SATL1: variants seen among roughly 807,000 people sequenced by gnomAD.
SATL1 encodes the protein spermidine/spermine N1-acetyl transferase like 1.
In SATL1, 47 loss-of-function variants were observed where a neutral mutation model predicts 51.8. The ratio of observed to expected loss-of-function variants is 0.91; its 90% confidence interval spans 0.72 to 1.16. The LOEUF is 1.16. Among genes scored for constraint, SATL1 ranks in the 50% most tolerant of loss-of-function variants. The pLI is 0.00. For missense variants in SATL1, 520 were observed against 526.4 expected (o/e 0.99, Z 0.12); for synonymous variants, 176 against 182.4 (o/e 0.97, Z 0.28).
At chrX:85,205,231 G>C (rs1241304102) in intron 2 of SATL1, among the ~76,000 whole-genome samples, 1 of 111,970 alleles carries the variant, frequency 8.9e-6, no homozygotes, top group Non-Finnish European at 1.9e-5. Context: ...ACTCATCACT[G>C]TTCAGTAGAT....
chrX:85,202,301 A>C (rs757855657), intron 2 of SATL1, among the ~76,000 whole-genome samples: 1 of 111,892 alleles, frequency 8.9e-6, no homozygotes, highest in East Asian at 2.8e-4. Context: ...AGAAGCTTCA[A>C]AGTTTAATTA....
intron 2 of SATL1, among the ~76,000 whole-genome samples, chrX:85,218,210 C>T (rs987326554): frequency 7.3e-5 from 8 of 110,108 alleles, no homozygotes; most frequent in African/African-American, 2.6e-4. Context: ...TACACCAAAT[C>T]GCTGTAACAC....
rs1925137187 is a variant in SATL1, at chrX:85,108,214, C to T, written c.755G>A (p.Ser252Asn). The change falls in exon 3 of 8, where the codon AGT becomes AAT. Residue 252 changes from serine (S) to asparagine (N), a missense_variant. Transcript: ENST00000644105. ...ACCTGTTTGGTTGGAATCTGATAAACTTGATTGGTTTGCGTCTGGTTGGCT... is the reference window on the plus strand; with the variant it reads ...ACCTGTTTGGTTGGAATCTGATAAATTTGATTGGTTTGCGTCTGGTTGGCT... ...DMSQPDANQS[S>N]LSDSNQTGII... 1.7e-6 allele frequency: 2 copies of T among 1,211,682 alleles called. No homozygotes were observed. Among genetic ancestry groups the T allele is most frequent in the Non-Finnish European group, 2.2e-6 (2 of 895,494 alleles).
chrX:85,163,955 A>G (rs1338763364), intron 2 of SATL1, among the ~76,000 whole-genome samples: 3 of 111,887 alleles, frequency 2.7e-5, no homozygotes, highest in African/African-American at 9.8e-5. Context: ...TTAGGTGGAT[A>G]TATATTTAGG....
At chrX:85,146,564 C>T (rs1234741869) in intron 2 of SATL1, among the ~76,000 whole-genome samples, 1 of 112,150 alleles carries the variant, frequency 8.9e-6, no homozygotes, top group Non-Finnish European at 1.9e-5. Flanking sequence ...TCAGTACTAT[C>T]TGCAATTTCA....
chrX:85,154,277 G>A (rs976999642), intron 2 of SATL1, among the ~76,000 whole-genome samples: 3 of 110,587 alleles, frequency 2.7e-5, no homozygotes, highest in Admixed American at 9.7e-5. Flanking sequence ...GGGAGACGGC[G>A]TACCATTACC....
At chrX:85,112,281 G>A (rs1255996794) in intron 2 of SATL1, among the ~76,000 whole-genome samples, 1 of 111,150 alleles carries the variant, frequency 9.0e-6, no homozygotes, top group African/African-American at 3.3e-5. Flanking sequence ...AAACCTGGGA[G>A]GTGGAGGTTG....
intron 1 of SATL1, among the ~76,000 whole-genome samples, chrX:85,237,274 A>G (rs147546517): frequency 2.7e-5 from 3 of 111,397 alleles, no homozygotes; most frequent in African/African-American, 9.8e-5. Flanking sequence ...AACTGGAGGA[A>G]TCACATTACC....
At chrX:85,153,028 A>C (rs898752117) in intron 2 of SATL1, among the ~76,000 whole-genome samples, 14 of 110,928 alleles carry the variant, frequency 1.3e-4, no homozygotes, top group African/African-American at 4.2e-4. Flanking sequence ...TTTCTATGTG[A>C]TGTATGCCAT....
chrX:85,161,398 G>A (rs1926715076), intron 2 of SATL1, among the ~76,000 whole-genome samples: 1 of 109,462 alleles, frequency 9.1e-6, no homozygotes, highest in East Asian at 2.9e-4. Context: ...CCAATGGTAT[G>A]CCATCTTCCA....
At chrX:85,233,461 T>C (rs776972644) in intron 1 of SATL1, among the ~76,000 whole-genome samples, 1 of 112,380 alleles carries the variant, frequency 8.9e-6, no homozygotes, top group Non-Finnish European at 1.9e-5. Flanking sequence ...GACCAATTCC[T>C]GAGTGACAGA....
chrX:85,145,237 A>G (rs1195933642), intron 2 of SATL1, among the ~76,000 whole-genome samples: 3 of 111,078 alleles, frequency 2.7e-5, no homozygotes, highest in African/African-American at 9.8e-5. Context: ...GCAACCCAGT[A>G]TTTATGTTGA....
intron 2 of SATL1, among the ~76,000 whole-genome samples, chrX:85,208,170 G>A (rs1406813383): frequency 1.8e-5 from 2 of 110,628 alleles, no homozygotes; most frequent in Non-Finnish European, 3.8e-5. Context: ...TTCTGTCCTT[G>A]TGATAGTCTG....
At chrX:85,223,758 A>G (rs1033225672) in intron 2 of SATL1, among the ~76,000 whole-genome samples, 3 of 111,581 alleles carry the variant, frequency 2.7e-5, no homozygotes, top group Non-Finnish European at 5.7e-5. Flanking sequence ...TACTGTGCCA[A>G]ACTCCTTTAC....
chrX:85,141,116 C>T (rs1171205203), intron 2 of SATL1, among the ~76,000 whole-genome samples: 2 of 111,398 alleles, frequency 1.8e-5, no homozygotes, highest in Admixed American at 9.6e-5. Flanking sequence ...GTATGCAAAG[C>T]AGGCAGAAAG....
chrX:85,143,213 G>A (rs1926150501), intron 2 of SATL1, among the ~76,000 whole-genome samples: 1 of 112,179 alleles, frequency 8.9e-6, no homozygotes, highest in Non-Finnish European at 1.9e-5. Context: ...ATTCGTGCAT[G>A]TTCCATATAC....
intron 2 of SATL1, among the ~76,000 whole-genome samples, chrX:85,121,459 A>G (rs1302658846): frequency 9.6e-6 from 1 of 104,024 alleles, no homozygotes; most frequent in South Asian, 4.0e-4. Context: ...ATAAATATAT[A>G]TGCTATATTT....
intron 4 of SATL1, among the ~76,000 whole-genome samples, chrX:85,095,749 C>A (rs934549572): frequency 2.1e-5 from 2 of 96,036 alleles, no homozygotes; most frequent in Non-Finnish European, 4.1e-5. Flanking sequence ...TGGCGTGAAC[C>A]CGGGAGGCGG....
chrX:85,161,887 CTCTAAAA>C (rs1281868510), intron 2 of SATL1, among the ~76,000 whole-genome samples: 1 of 111,487 alleles, frequency 9.0e-6, no homozygotes, highest in East Asian at 2.8e-4. Context: ...ATGTCACATT[CTCTAAAA>C]TCGACCACAC....
Sources: allele counts gnomAD v4.1 joint callset (sites outside exome capture counted in the v4.1 genomes callset), GRCh38; gene constraint gnomAD v4.1.1; transcripts MANE v1.5; gene names NCBI Gene and HGNC (gene_info 2026-07-23, HGNC 2026-07-21).